Variants in GCLM observed in about 807,000 individuals in gnomAD.
GCLM encodes the protein glutamate--cysteine ligase regulatory subunit.
A neutral mutation model predicts 36.0 loss-of-function variants in GCLM; 15 were observed. That is an observed-to-expected ratio of 0.42 (90% CI 0.28 to 0.64). GCLM has a LOEUF of 0.64. Among genes scored for constraint, GCLM ranks in the 30% least tolerant of loss-of-function variants. GCLM has a pLI of 0.25. For synonymous variants in GCLM, 129 were observed against 122.8 expected, an observed-to-expected ratio of 1.05 and a Z score of -0.34; for missense variants, 242 against 325.5, an observed-to-expected ratio of 0.74 and a Z score of 1.97.
At chr1:93,900,243 G>A (rs985572479) in intron 3 of GCLM, among the ~76,000 whole-genome samples, 1 of 152,062 alleles carries the variant, frequency 6.6e-6, no homozygotes, top group African/African-American at 2.4e-5. Flanking sequence ...ATGAATTTGT[G>A]CCATCTGAAA....
chr1:93,904,417 G>C (rs1024419923), intron 2 of GCLM, 106 bp downstream of exon 2: 11 of 744,168 alleles, frequency 1.5e-5, no homozygotes, highest in Non-Finnish European at 2.7e-5. Flanking sequence ...GAGAGTTTAT[G>C]GCTAATTGCC....
At chr1:93,901,013 A>G (rs1394279785) in intron 3 of GCLM, among the ~76,000 whole-genome samples, 2 of 152,212 alleles carry the variant, frequency 1.3e-5, no homozygotes, top group East Asian at 3.8e-4. Context: ...TCAAAGCTCA[A>G]GCTTTTAATG....
intron 6 of GCLM, among the ~76,000 whole-genome samples, chr1:93,892,935 G>A (rs1229879164): frequency 6.6e-6 from 1 of 152,064 alleles, no homozygotes; most frequent in Non-Finnish European, 1.5e-5. Flanking sequence ...CATATGGAAA[G>A]TTAAAATTTA....
At chr1:93,906,499 G>A (rs925470214) in intron 1 of GCLM, among the ~76,000 whole-genome samples, 5 of 152,076 alleles carry the variant, frequency 3.3e-5, no homozygotes, top group Non-Finnish European at 7.4e-5. Flanking sequence ...AATTCAGGAA[G>A]GTAAGTCTAT....
chr1:93,894,513 T>G, intron 6 of GCLM, 101 bp downstream of exon 6: 1 of 678,798 alleles, frequency 1.5e-6, no homozygotes, highest in Non-Finnish European at 2.6e-6. Context: ...GATAACACTG[T>G]ATTTTTATCA....
intron 4 of GCLM, 35 bp from the exon 5 acceptor site, chr1:93,896,855 T>G (rs759477520): frequency 3.4e-6 from 4 of 1,177,714 alleles, no homozygotes; most frequent in Non-Finnish European, 3.8e-6. Flanking sequence ...AAATAAATGC[T>G]TACATCATAA....
At chr1:93,899,602 G>C (rs1285879974) in intron 3 of GCLM, among the ~76,000 whole-genome samples, 2 of 152,096 alleles carry the variant, frequency 1.3e-5, no homozygotes, top group African/African-American at 4.8e-5. Flanking sequence ...ATGTTATTAT[G>C]AGTCAAAGCA....
chr1:93,903,965 T>C (rs1363882123), intron 2 of GCLM, among the ~76,000 whole-genome samples: 1 of 152,206 alleles, frequency 6.6e-6, no homozygotes, highest in African/African-American at 2.4e-5. Context: ...ATGGTTGCAG[T>C]ATGCCCAGGG....
chr1:93,893,692 T>C (rs1184885245), intron 6 of GCLM, among the ~76,000 whole-genome samples: 1 of 152,244 alleles, frequency 6.6e-6, no homozygotes, highest in Non-Finnish European at 1.5e-5. Flanking sequence ...AAATATGTAG[T>C]AATATACATT....
chr1:93,903,449 T>A (rs2100924750), intron 2 of GCLM, among the ~76,000 whole-genome samples: 1 of 150,698 alleles, frequency 6.6e-6, no homozygotes, highest in East Asian at 1.9e-4. Flanking sequence ...TAGCTGGGAT[T>A]ACAGGCGGGT....
rs984661766 is a variant in GCLM at position 93,886,353 on chromosome 1, G to T, written c.*2637C>A. ...TTCAGTTTTAAGTAATTATTTGGTA[G>T]TATTACCACTCTCTATTTTATGGCT... On this transcript the variant is annotated 3_prime_UTR_variant, in exon 7 of 7. Transcript: ENST00000370238. The T allele has an allele frequency of 5.9e-5, 9 of 151,968 alleles. No homozygotes were observed. Among genetic ancestry groups the T allele is most frequent in the African/African-American group, 2.2e-4 (9 of 41,362 alleles). The allele number at this position is 151,968 out of a possible 1,614,324, so 9.4% of individuals were successfully genotyped here. A position where few individuals can be genotyped will look rare whatever the true frequency, so the allele number is the denominator to read the frequency against.
intron 1 of GCLM, among the ~76,000 whole-genome samples, chr1:93,907,881 G>T (rs1156756138): frequency 6.6e-6 from 1 of 152,178 alleles, no homozygotes; most frequent in African/African-American, 2.4e-5. Context: ...GGGATGCCGT[G>T]TGCTGCTGCA....
intron 6 of GCLM, among the ~76,000 whole-genome samples, chr1:93,890,777 A>T (rs1656503287): frequency 6.6e-6 from 1 of 152,122 alleles, no homozygotes; most frequent in Admixed American, 6.6e-5. Flanking sequence ...AGCTAGATAC[A>T]CGCTATATTG....
intron 4 of GCLM, 110 bp downstream of exon 4, chr1:93,897,729 T>C (rs188585913): frequency 1.7e-6 from 1 of 601,794 alleles, no homozygotes; most frequent in African/African-American, 2.0e-5. Context: ...AAAGGTAAAA[T>C]TGGAATCAAC....
intron 1 of GCLM, chr1:93,908,829 TAA>T (rs2100932322): frequency 5.4e-6 from 2 of 373,380 alleles, no homozygotes; most frequent in East Asian, 8.4e-5. Flanking sequence ...CTGCACCGGC[TAA>T]GTTTTTTAGA....
At chr1:93,900,369 G>GATA (rs1553180651) in intron 3 of GCLM, among the ~76,000 whole-genome samples, 1 of 151,676 alleles carries the variant, frequency 6.6e-6, no homozygotes, top group African/African-American at 2.4e-5. Flanking sequence ...AGGAACTGAG[G>GATA]ACTTCTAAGA....
In GCLM at chr1:93,902,153, T is replaced by C. The variant is rs563651640; in HGVS notation, c.193-484A>G. Among the ~76,000 whole-genome samples the C allele has an allele frequency of 3.3e-3, 497 of 152,118 alleles. 2 individuals carry two copies. Among genetic ancestry groups the C allele is most frequent in the African/African-American group, 0.011 (452 of 41,512 alleles). On this transcript the variant is annotated intron_variant, in intron 2 of 6. Coordinates refer to ENST00000370238, the MANE Select transcript of GCLM (RefSeq NM_002061.4). ...AACTTTAACCTGTAAGGGGATTTAG[T>C]TTTTGGGTTTTTTTGTTTGTTTGTT... is the stretch of plus-strand genomic sequence containing the variant.
chr1:93,904,526 G>T lies in GCLM; in HGVS notation c.189C>A (p.Val63=). 1 of 1,600,274 alleles carries T rather than the reference G, an allele frequency of 6.2e-7. No homozygotes were observed. The highest frequency in any genetic ancestry group is 8.6e-7 in the Non-Finnish European group (1 of 1,167,618). The change falls in exon 2 of 7, where the codon GTC becomes GTA. Residue 63 remains valine (V), a synonymous_variant. Coordinates refer to ENST00000370238, the MANE Select transcript of GCLM (RefSeq NM_002061.4). The part of the protein sequence containing the change: ...EWSSQINPDL[V]REFPDVLECT... The stretch of plus-strand genomic sequence containing the variant: ...TTTGCATTCACATTTCACTTACCCT[G>T]ACCAAATCTGGGTTGATTTGGGAAC...
At chr1:93,907,598 CAAT>C (rs772376789) in intron 1 of GCLM, among the ~76,000 whole-genome samples, 8 of 152,096 alleles carry the variant, frequency 5.3e-5, no homozygotes, top group Admixed American at 2.6e-4. Flanking sequence ...CCAATAATAT[CAAT>C]ATACGTGCAA....
Sources: allele counts gnomAD v4.1 joint callset (sites outside exome capture counted in the v4.1 genomes callset), GRCh38; gene constraint gnomAD v4.1.1; transcripts MANE v1.5; gene names NCBI Gene and HGNC (gene_info 2026-07-23, HGNC 2026-07-21).